The following VOPP1 variants were observed in gnomAD, a reference collection of about 807,000 sequenced individuals.
VOPP1 encodes the protein WW domain binding protein VOPP1.
VOPP1 carries 8 observed loss-of-function variants against 23.5 expected under a neutral mutation model. The ratio of observed to expected loss-of-function variants is 0.34; its 90% CI spans 0.20 to 0.61. The LOEUF is 0.61. VOPP1 is among the 20% of genes least tolerant of loss of function. The pLI is 0.78. For missense variants in VOPP1, 174 were observed against 238.1 expected, an observed-to-expected ratio of 0.73 and a Z score of 1.77; for synonymous variants, 83 against 97.3, an observed-to-expected ratio of 0.85 and a Z score of 0.86.
chr7:55,537,425 C>T, intron 1 of VOPP1: 1 of 1,527,224 alleles, frequency 6.5e-7, no homozygotes, highest in Non-Finnish European at 8.8e-7. Context: ...GCCCACCATG[C>T]TCTTCTTTCC....
chr7:55,553,756 T>TACACACAC (rs59300549), intron 1 of VOPP1: 20 of 138,600 alleles, frequency 1.4e-4, no homozygotes, highest in African/African-American at 4.5e-4. Context: ...CCCTGCACTC[T>TACACACAC]ACACACACAC....
chr7:55,468,587 G>A (rs1583824875), downstream of VOPP1, among the ~76,000 whole-genome samples: 1 of 152,236 alleles, frequency 6.6e-6, no homozygotes, highest in Non-Finnish European at 1.5e-5. Context: ...CTGGATGAGC[G>A]ACTGGATTGC....
chr7:55,465,937 C>A (rs142816645), downstream of VOPP1, among the ~76,000 whole-genome samples: 1 of 152,144 alleles, frequency 6.6e-6, no homozygotes, highest in Non-Finnish European at 1.5e-5. Flanking sequence ...CTGTGTCCCC[C>A]CAAATGTCAT....
At chr7:55,514,492 G>A (rs1414548094) in intron 2 of VOPP1, among the ~76,000 whole-genome samples, 3 of 152,274 alleles carry the variant, frequency 2.0e-5, no homozygotes, top group East Asian at 1.9e-4. Context: ...GAATCACTCC[G>A]TCTCCAACCC....
At chr7:55,560,841 T>C (rs1346114338) in intron 1 of VOPP1, among the ~76,000 whole-genome samples, 1 of 152,142 alleles carries the variant, frequency 6.6e-6, no homozygotes, top group African/African-American at 2.4e-5. Context: ...CCTTGTTCAT[T>C]TTCCAATCCA....
intron 4 of VOPP1, among the ~76,000 whole-genome samples, chr7:55,488,682 C>T (rs1053836330): frequency 1.3e-5 from 2 of 151,650 alleles, no homozygotes; most frequent in South Asian, 4.2e-4. Context: ...GCCACTGCCC[C>T]CCCTGCCCCA....
chr7:55,474,061 C>T (rs1792049265), intron 4 of VOPP1, among the ~76,000 whole-genome samples: 2 of 152,258 alleles, frequency 1.3e-5, no homozygotes, highest in South Asian at 4.1e-4. Context: ...GCATGTAGAA[C>T]AGAAGCACAG....
chr7:55,482,498 T>C (rs1296979341), intron 4 of VOPP1, among the ~76,000 whole-genome samples: 1 of 146,116 alleles, frequency 6.8e-6, no homozygotes, highest in Non-Finnish European at 1.5e-5. Context: ...TTTTTTTTTT[T>C]TTTTTTGTAT....
chr7:55,552,252 T>C (rs1475496605), intron 1 of VOPP1, among the ~76,000 whole-genome samples: 1 of 152,166 alleles, frequency 6.6e-6, no homozygotes, highest in South Asian at 2.1e-4. Flanking sequence ...CTTTTGGATT[T>C]AGAAATAGCA....
intron 1 of VOPP1, 37 bp downstream of exon 1, chr7:55,572,234 G>T: frequency 6.7e-7 from 1 of 1,495,592 alleles, no homozygotes; most frequent in East Asian, 2.8e-5. Context: ...CATGGTGGGC[G>T]CCGCGCCTCC....
intron 4 of VOPP1, among the ~76,000 whole-genome samples, chr7:55,486,216 T>C (rs1450052563): frequency 6.6e-6 from 1 of 152,256 alleles, no homozygotes; most frequent in African/African-American, 2.4e-5. Flanking sequence ...TTGTGAGTAA[T>C]GTAACAACAG....
chr7:55,436,692 A>C lies in VOPP1; in HGVS notation n.418-518T>G, dbSNP rs372713469. Among the ~76,000 whole-genome samples, 12 of 151,786 alleles carry C rather than the reference A, an allele frequency of 7.9e-5. No homozygotes were observed. The East Asian group carries it at 9.7e-4, about 12-fold the overall frequency. On this transcript the variant is annotated intron_variant and non_coding_transcript_variant, in intron 4 of 4. Coordinates refer to the VOPP1 transcript ENST00000462326. The stretch of plus-strand genomic sequence containing the variant: ...CGTGCGTGTGCGTGTGTGCATGTGC[A>C]TGCGTGTGTGTGCATGCATATGTGA...
intron 1 of VOPP1, among the ~76,000 whole-genome samples, chr7:55,541,274 A>G (rs1049819851): frequency 3.3e-5 from 5 of 152,234 alleles, no homozygotes; most frequent in Non-Finnish European, 7.3e-5. Flanking sequence ...CTATCTTAAT[A>G]AACATGTTAT....
At chr7:55,524,189 G>C (rs1796036326) in intron 1 of VOPP1, among the ~76,000 whole-genome samples, 1 of 152,166 alleles carries the variant, frequency 6.6e-6, no homozygotes, top group Non-Finnish European at 1.5e-5. Context: ...CTTCAGAGCT[G>C]CCTACTTGTT....
chr7:55,494,189 T>C (rs1209979753), intron 3 of VOPP1, among the ~76,000 whole-genome samples: 1 of 152,196 alleles, frequency 6.6e-6, no homozygotes, highest in African/African-American at 2.4e-5. Context: ...TCAAGAACAC[T>C]CACTAAGTTC....
intron 1 of VOPP1, among the ~76,000 whole-genome samples, chr7:55,523,953 A>C (rs541426828): frequency 4.1e-4 from 63 of 152,276 alleles, no homozygotes; most frequent in Non-Finnish European, 6.6e-4. Flanking sequence ...ATTTTTTAAA[A>C]CCACTTCTCA....
At chr7:55,439,751 G>A (rs887924972) in intron 4 of VOPP1, among the ~76,000 whole-genome samples, 11 of 152,222 alleles carry the variant, frequency 7.2e-5, no homozygotes, top group East Asian at 1.9e-4. Context: ...TGAAGTAGGC[G>A]CCAGCTCAGC....
At chr7:55,548,112 T>C (rs1355428954) in intron 1 of VOPP1, among the ~76,000 whole-genome samples, 2 of 152,256 alleles carry the variant, frequency 1.3e-5, no homozygotes, top group Non-Finnish European at 2.9e-5. Flanking sequence ...ATGCAAAATT[T>C]GTCTGACATC....
At chr7:55,451,567 G>T (rs1032025860) in intron 4 of VOPP1, among the ~76,000 whole-genome samples, 56 of 152,112 alleles carry the variant, frequency 3.7e-4, no homozygotes, top group African/African-American at 1.3e-3. Flanking sequence ...AGAGGCGGGC[G>T]GATCACAAGG....
Sources: gnomAD v4.1 joint callset for allele counts (sites outside exome capture counted in the v4.1 genomes callset) on GRCh38, gnomAD v4.1.1 for gene constraint, MANE v1.5 for transcripts, NCBI Gene and HGNC (gene_info 2026-07-23, HGNC 2026-07-21) for gene names.